EHBP1: variants seen among roughly 807,000 people sequenced by gnomAD.
EHBP1 encodes the protein EH domain binding protein 1.
A neutral mutation model predicts 144.0 loss-of-function variants in EHBP1; 55 were observed. The ratio of observed to expected loss-of-function variants is 0.38; its 90% CI spans 0.31 to 0.48. The LOEUF is 0.48. Among genes scored for constraint, EHBP1 ranks in the 20% least tolerant of loss-of-function variants. The pLI is 0.98. For missense variants in EHBP1, 1,200 were observed against 1,364.2 expected (o/e 0.88, Z 1.90); for synonymous variants, 469 against 472.7 (o/e 0.99, Z 0.10).
chr2:62,727,532 C>CT (rs1258577925), intron 2 of EHBP1, among the ~76,000 whole-genome samples: 1 of 152,180 alleles, frequency 6.6e-6, no homozygotes, highest in Non-Finnish European at 1.5e-5. Context: ...TCTGTTCTCT[C>CT]TAGATTTGCC....
intron 7 of EHBP1, among the ~76,000 whole-genome samples, chr2:62,834,091 G>C (rs1420260649): frequency 6.6e-6 from 1 of 152,220 alleles, no homozygotes; most frequent in Non-Finnish European, 1.5e-5. Context: ...GATAAAACTT[G>C]AATGGATGAG....
At chr2:62,810,913 A>G (rs1263762551) in intron 5 of EHBP1, among the ~76,000 whole-genome samples, 1 of 152,204 alleles carries the variant, frequency 6.6e-6, no homozygotes, top group African/African-American at 2.4e-5. Context: ...GCAACTTTGT[A>G]GTCAACTGGA....
Position 63,004,895 on chromosome 2 carries a change from C to G in EHBP1, c.3103+8129C>G, listed in dbSNP as rs1448132851. On this transcript the variant is annotated intron_variant, in intron 19 of 22. Transcript: ENST00000431489. The stretch of plus-strand genomic sequence containing the variant: ...CTGTTCCCACCCCCTTACCCACATT[C>G]TGATTCAGGACATGGGAAGTGGGAT... Among the ~76,000 whole-genome samples the G allele has an allele frequency of 7.2e-5, 11 of 152,106 alleles. No homozygotes were observed. In the South Asian group the frequency reaches 2.1e-3, roughly 29 times the overall value.
At chr2:62,783,454 T>C (rs1340425572) in intron 5 of EHBP1, among the ~76,000 whole-genome samples, 1 of 152,246 alleles carries the variant, frequency 6.6e-6, no homozygotes. Flanking sequence ...GCTCTGCCCC[T>C]GCAGCAAACT....
intron 13 of EHBP1, among the ~76,000 whole-genome samples, chr2:62,952,588 T>C (rs139099185): frequency 2.0e-5 from 3 of 152,344 alleles, no homozygotes; most frequent in African/African-American, 7.2e-5. Flanking sequence ...GACAGTTATA[T>C]ATCTTACACC....
At chr2:62,826,587 GTA>G (rs1491496382) in intron 6 of EHBP1, 2 of 170,064 alleles carry the variant, frequency 1.2e-5, no homozygotes, top group African/African-American at 4.7e-5. Context: ...AGTTCAATGT[GTA>G]GAACTGTTTG....
intron 4 of EHBP1, among the ~76,000 whole-genome samples, chr2:62,769,279 C>G (rs547632358): frequency 2.7e-4 from 41 of 152,286 alleles, no homozygotes; most frequent in African/African-American, 8.2e-4. Flanking sequence ...AGCCCAAAAG[C>G]TCCTGCAGCT....
chr2:62,953,054 A>G (rs1342309616), intron 13 of EHBP1, among the ~76,000 whole-genome samples: 1 of 151,920 alleles, frequency 6.6e-6, no homozygotes, highest in African/African-American at 2.4e-5. Flanking sequence ...CCCTGTCTCT[A>G]CTAAAAATAT....
chr2:62,854,370 A>T (rs1220770400), intron 7 of EHBP1, among the ~76,000 whole-genome samples: 1 of 152,218 alleles, frequency 6.6e-6, no homozygotes, highest in African/African-American at 2.4e-5. Flanking sequence ...TAACTTGTCT[A>T]ACTGTTTAGC....
chr2:62,683,983 G>A (rs1289384451), intron 1 of EHBP1, among the ~76,000 whole-genome samples: 1 of 152,178 alleles, frequency 6.6e-6, no homozygotes, highest in Non-Finnish European at 1.5e-5. Flanking sequence ...TCCAAGAAGA[G>A]GTGTCAGGCA....
At chr2:62,731,200 A>G (rs935876280) in intron 2 of EHBP1, among the ~76,000 whole-genome samples, 2 of 151,566 alleles carry the variant, frequency 1.3e-5, no homozygotes, top group African/African-American at 4.8e-5. Flanking sequence ...TCCAATTCCA[A>G]TTGGTAAATT....
intron 21 of EHBP1, chr2:63,044,095 A>G (rs998475910): frequency 6.7e-6 from 1 of 149,276 alleles, no homozygotes; most frequent in Non-Finnish European, 1.5e-5. Context: ...GTTGATTGAC[A>G]GCTACAAGCC....
chr2:62,816,482 A>C (rs760878431), intron 5 of EHBP1, among the ~76,000 whole-genome samples: 4 of 152,234 alleles, frequency 2.6e-5, no homozygotes, highest in Non-Finnish European at 4.4e-5. Context: ...AAGGGTCTTA[A>C]GACAAAAACC....
chr2:62,862,756 A>AT (rs1376507851), intron 8 of EHBP1, among the ~76,000 whole-genome samples: 2 of 152,190 alleles, frequency 1.3e-5, no homozygotes, highest in African/African-American at 4.8e-5. Context: ...CTCACAGAAT[A>AT]TTTTGTTAGC....
chr2:62,876,689 C>T (rs1379258411), intron 10 of EHBP1, among the ~76,000 whole-genome samples: 1 of 152,108 alleles, frequency 6.6e-6, no homozygotes, highest in African/African-American at 2.4e-5. Flanking sequence ...AAAATCATGG[C>T]AGAAGGCAAA....
intron 10 of EHBP1, among the ~76,000 whole-genome samples, chr2:62,906,965 G>C (rs1201708751): frequency 6.6e-6 from 1 of 152,176 alleles, no homozygotes; most frequent in African/African-American, 2.4e-5. Context: ...GGTTTCGCAT[G>C]TATCAATAGC....
chr2:62,813,985 G>A (rs1371339407), intron 5 of EHBP1, among the ~76,000 whole-genome samples: 1 of 152,092 alleles, frequency 6.6e-6, no homozygotes, highest in East Asian at 1.9e-4. Flanking sequence ...TTGGACTTTT[G>A]AATTAGTGCT....
intron 21 of EHBP1, among the ~76,000 whole-genome samples, chr2:63,042,238 A>G (rs2061690039): frequency 6.6e-6 from 1 of 152,178 alleles, no homozygotes; most frequent in African/African-American, 2.4e-5. Context: ...TTTAAATGTA[A>G]TATTACATTT....
intron 1 of EHBP1, among the ~76,000 whole-genome samples, chr2:62,677,646 C>T (rs1378863316): frequency 6.6e-6 from 1 of 152,022 alleles, no homozygotes; most frequent in Admixed American, 6.6e-5. Flanking sequence ...TACCCCACTA[C>T]CCGTTGCAGC....
Sources: gnomAD v4.1 joint callset for allele counts (sites outside exome capture counted in the v4.1 genomes callset) on GRCh38, gnomAD v4.1.1 for gene constraint, MANE v1.5 for transcripts, NCBI Gene and HGNC (gene_info 2026-07-23, HGNC 2026-07-21) for gene names.